TMCO4: variants seen among roughly 807,000 people sequenced by gnomAD.
TMCO4 encodes the protein transmembrane and coiled-coil domain-containing protein 4.
A neutral mutation model predicts 64.7 loss-of-function variants in TMCO4; 58 were observed. The ratio of observed to expected loss-of-function variants is 0.90; its 90% CI spans 0.73 to 1.12. The LOEUF is 1.12. Ranked by LOEUF, TMCO4 falls within the 50% of genes most tolerant of loss-of-function variation. TMCO4 has a pLI of 0.00. For missense variants in TMCO4, 780 were observed against 825.9 expected (o/e 0.94, Z 0.68); for synonymous variants, 325 against 346.1 (o/e 0.94, Z 0.68).
At chr1:19,733,308 G>A (rs971012829) in intron 13 of TMCO4, among the ~76,000 whole-genome samples, 3 of 152,100 alleles carry the variant, frequency 2.0e-5, no homozygotes, top group African/African-American at 7.2e-5. Context: ...TTGAAGACCT[G>A]TGGTGCCCAT....
chr1:19,774,432 A>C (rs1036240565), intron 4 of TMCO4, among the ~76,000 whole-genome samples: 3 of 152,224 alleles, frequency 2.0e-5, no homozygotes, highest in African/African-American at 7.2e-5. Context: ...AGATGATGAA[A>C]GGTATTTCAT....
At chr1:19,772,616 T>G (rs1266434) in intron 4 of TMCO4, among the ~76,000 whole-genome samples, 89,195 of 151,838 alleles carry the variant, frequency 0.59, 27,005 homozygotes, top group African/African-American at 0.74. Flanking sequence ...CACTTAGAAG[T>G]CGATTATACC....
chr1:19,756,475 T>A (rs1416001529), intron 6 of TMCO4, among the ~76,000 whole-genome samples: 1 of 152,042 alleles, frequency 6.6e-6, no homozygotes, highest in Non-Finnish European at 1.5e-5. Flanking sequence ...GGAATTGTAA[T>A]CTTAAGAAAA....
intron 2 of TMCO4, 135 bp downstream of exon 2, chr1:19,797,998 GAAAA>G (rs2044417733): frequency 5.6e-6 from 1 of 177,662 alleles, no homozygotes; most frequent in South Asian, 1.3e-4. Flanking sequence ...GAAAAGAAAA[GAAAA>G]GAAAAGAAAA....
chr1:19,705,016 G>A (rs569246335), intron 13 of TMCO4, among the ~76,000 whole-genome samples: 13 of 152,266 alleles, frequency 8.5e-5, no homozygotes, highest in Admixed American at 7.2e-4. Flanking sequence ...TGCTGACCTG[G>A]AGATAAGCTA....
At chr1:19,791,517 T>G (rs1240719710) in intron 2 of TMCO4, among the ~76,000 whole-genome samples, 1 of 152,108 alleles carries the variant, frequency 6.6e-6, no homozygotes, top group Non-Finnish European at 1.5e-5. Flanking sequence ...AGCTGTGGTG[T>G]GGGAATGCGT....
intron 15 of TMCO4, among the ~76,000 whole-genome samples, chr1:19,691,149 T>G (rs1475298868): frequency 6.6e-6 from 1 of 152,164 alleles, no homozygotes; most frequent in Non-Finnish European, 1.5e-5. Context: ...ATTACAGGCG[T>G]GAGTCACTGC....
chr1:19,748,834 GTGAA>G (rs67937049), intron 7 of TMCO4, among the ~76,000 whole-genome samples: 14 of 141,174 alleles, frequency 9.9e-5, no homozygotes, highest in South Asian at 4.3e-4. Context: ...GAATGAATGA[GTGAA>G]TGAATGAATG....
At chr1:19,764,544 C>G (rs550405361) in intron 6 of TMCO4, among the ~76,000 whole-genome samples, 1 of 152,192 alleles carries the variant, frequency 6.6e-6, no homozygotes, top group African/African-American at 2.4e-5. Flanking sequence ...TGTTTGGATA[C>G]GGATTATAAA....
chr1:19,683,590 G>T, intron 15 of TMCO4, 146 bp from the exon 16 acceptor site: 1 of 847,576 alleles, frequency 1.2e-6, no homozygotes, highest in Non-Finnish European at 1.8e-6. Context: ...TCCCTCAGTG[G>T]CTCTCAAATC....
chr1:19,749,300 T>G (rs189908895), intron 7 of TMCO4, among the ~76,000 whole-genome samples: 5 of 152,328 alleles, frequency 3.3e-5, no homozygotes, highest in Admixed American at 1.3e-4. Flanking sequence ...AACTGAGTGG[T>G]CATAGGACCA....
intron 13 of TMCO4, among the ~76,000 whole-genome samples, chr1:19,708,418 C>T (rs61768283): frequency 6.6e-6 from 1 of 150,934 alleles, no homozygotes; most frequent in Non-Finnish European, 1.5e-5. Context: ...AAAAAAAACC[C>T]AAGAGCTGAG....
intron 6 of TMCO4, among the ~76,000 whole-genome samples, chr1:19,762,740 G>A (rs552985128): frequency 6.6e-6 from 1 of 152,188 alleles, no homozygotes; most frequent in Non-Finnish European, 1.5e-5. Context: ...CGGGGGGCAG[G>A]ACAGCCTCCT....
At position 19,780,752 on chromosome 1, in the gene TMCO4, T is replaced by C. The variant is rs2043435104; in HGVS notation, c.7A>G (p.Met3Val). The change falls in exon 4 of 16, where the codon ATG becomes GTG. Residue 3 changes from methionine to valine, a missense_variant. By Grantham distance (21) the Met-to-Val change is conservative. Coordinates refer to ENST00000294543, the MANE Select transcript of TMCO4 (RefSeq NM_181719.7). ...AGCCTCTGGCATGGCCTGTTCCACA[T>C]GGCCATTCCCAGCGCTGCAGGAGAA... is the stretch of plus-strand genomic sequence containing the variant. MAMWNRPCQRLPQ... is the reference protein window; with the variant it reads MAVWNRPCQRLPQ... 2 of 1,576,352 alleles carry C rather than the reference T, an allele frequency of 1.3e-6. No individual in the cohort carries two copies. The highest frequency in any genetic ancestry group is 1.7e-6 in the Non-Finnish European group (2 of 1,166,970).
chr1:19,732,542 G>GATCATCTA lies in TMCO4; in HGVS notation c.1264+4829_1264+4830insTAGATGAT, dbSNP rs2095434412. Among the ~76,000 whole-genome samples, 1 of 152,120 alleles carries GATCATCTA rather than the reference G, an allele frequency of 6.6e-6. No individual in the cohort carries two copies. Among genetic ancestry groups the GATCATCTA allele is most frequent in the African/African-American group, 2.4e-5 (1 of 41,424 alleles). ...CACCTCCTCTCTAGATGATCAATGA[G>GATCATCTA]GCAGGGATGGGATGTTATGAAATAA... On this transcript the variant is annotated intron_variant, in intron 13 of 15. Coordinates refer to ENST00000294543, the MANE Select transcript of TMCO4 (RefSeq NM_181719.7). This position sits in a 1 kb window ranked among gnomAD's most constrained non-coding sequence, Gnocchi z 4.8.
chr1:19,726,019 C>A (rs144303491), intron 13 of TMCO4, among the ~76,000 whole-genome samples: 1 of 152,362 alleles, frequency 6.6e-6, no homozygotes, highest in East Asian at 1.9e-4. Flanking sequence ...TTCATGGCTG[C>A]CTTTGTGTCC....
intron 6 of TMCO4, among the ~76,000 whole-genome samples, chr1:19,764,823 C>T (rs564654350): frequency 1.5e-4 from 16 of 108,250 alleles, no homozygotes; most frequent in Non-Finnish European, 2.4e-4. Flanking sequence ...CCATTGCACT[C>T]AAGAGTGAAA....
rs140840983 is a variant in TMCO4 at position 19,717,675 on chromosome 1, C to T, written c.1265-16790G>A. Among the ~76,000 whole-genome samples, 209 of 152,254 alleles carry T rather than the reference C, an allele frequency of 1.4e-3. 1 individual carries two copies. The highest frequency in any genetic ancestry group is 4.7e-3 in the African/African-American group (197 of 41,548). On this transcript the variant is annotated intron_variant, in intron 13 of 15. Coordinates refer to ENST00000294543, the MANE Select transcript of TMCO4 (RefSeq NM_181719.7). ...AGTCCTGCGCCCTCCGGCCTTCTGCCTGCCTCGAAGCCTCTCGAGGCTTAC... is the reference window on the plus strand; with the variant it reads ...AGTCCTGCGCCCTCCGGCCTTCTGCTTGCCTCGAAGCCTCTCGAGGCTTAC...
rs533602935 is a variant in TMCO4, at chr1:19,782,829, G to A, written c.-8-2063C>T. 1.7e-4 allele frequency among the ~76,000 whole-genome samples: 26 copies of A among 152,306 alleles called. 1 individual carries two copies. The South Asian group carries it at 3.5e-3, about 21-fold the overall frequency. Reference sequence around the variant, plus strand: ...GGCTCAGGACCAGACAGACCTGGGCGTGAAAACAAGCACCGCCACTTATTA... The same window carrying A: ...GGCTCAGGACCAGACAGACCTGGGCATGAAAACAAGCACCGCCACTTATTA... On this transcript the variant is annotated intron_variant, in intron 3 of 15. Coordinates refer to ENST00000294543, the MANE Select transcript of TMCO4 (RefSeq NM_181719.7).
Sources: allele counts gnomAD v4.1 joint callset (sites outside exome capture counted in the v4.1 genomes callset), GRCh38; gene constraint gnomAD v4.1.1; non-coding constraint Gnocchi (gnomAD v3.1); transcripts MANE v1.5; gene names NCBI Gene and HGNC (gene_info 2026-07-23, HGNC 2026-07-21).